Variants in RIPK2 observed in about 807,000 individuals in gnomAD.
RIPK2 encodes receptor-interacting serine/threonine-protein kinase 2.
Under a neutral mutation model 60.9 loss-of-function variants are expected in RIPK2, and 38 were observed. The observed-to-expected ratio is 0.62, with a 90% confidence interval of 0.48 to 0.82. The LOEUF is 0.82. Among genes scored for constraint, RIPK2 ranks in the 40% least tolerant of loss-of-function variants. RIPK2 has a pLI of 0.00. For synonymous variants in RIPK2, 225 were observed against 223.4 expected (o/e 1.01, Z -0.06); for missense variants, 518 against 647.0 (o/e 0.80, Z 2.16).
intron 6 of RIPK2, among the ~76,000 whole-genome samples, chr8:89,779,775 T>G (rs1056334239): frequency 1.3e-5 from 2 of 152,232 alleles, no homozygotes; most frequent in Admixed American, 1.3e-4. Flanking sequence ...GTATCTAAAT[T>G]TATCTGTTTC....
intron 7 of RIPK2, among the ~76,000 whole-genome samples, 162 bp from the exon 8 acceptor site, chr8:89,783,888 A>G (rs375637948): frequency 6.6e-6 from 1 of 152,122 alleles, no homozygotes; most frequent in Non-Finnish European, 1.5e-5. Context: ...TTCCCGTTCT[A>G]CACTGTCTTT....
chr8:89,759,236 A>G, intron 1 of RIPK2: 1 of 451,592 alleles, frequency 2.2e-6, no homozygotes, highest in Non-Finnish European at 4.5e-6. Flanking sequence ...TTCTGTTTTC[A>G]GAAGAACATT....
intron 1 of RIPK2, among the ~76,000 whole-genome samples, chr8:89,760,693 A>T (rs1404117448): frequency 6.6e-6 from 1 of 152,210 alleles, no homozygotes; most frequent in Admixed American, 6.5e-5. Context: ...TCTGAGCCTT[A>T]GTGCCCTCAT....
chr8:89,772,918 T>G, intron 6 of RIPK2, 90 bp downstream of exon 6: 1 of 800,052 alleles, frequency 1.2e-6, no homozygotes, highest in Non-Finnish European at 1.8e-6. Flanking sequence ...TTGTGCAAAT[T>G]AGATGACTAG....
chr8:89,774,410 G>A (rs1809363267), intron 6 of RIPK2, among the ~76,000 whole-genome samples: 1 of 152,194 alleles, frequency 6.6e-6, no homozygotes, highest in Non-Finnish European at 1.5e-5. Context: ...TGACAGTGAT[G>A]TGGCAGAACC....
At chr8:89,780,797 G>T (rs1319991757) in intron 7 of RIPK2, 3 of 151,850 alleles carry the variant, frequency 2.0e-5, no homozygotes, top group Non-Finnish European at 4.4e-5. Context: ...TTTGTGGTTT[G>T]TTTTTTCATT....
Position 89,772,847 on chromosome 8 carries a change from C to T in RIPK2, c.853+19C>T. On this transcript the variant is annotated intron_variant, in intron 6 of 10. Coordinates refer to ENST00000220751, the MANE Select transcript of RIPK2 (RefSeq NM_003821.6). ...TTCTTAAGTGAGTATATAGTTTTAACCTAGACTCTTTGAATTACAGAATTA... is the reference window on the plus strand; with the variant it reads ...TTCTTAAGTGAGTATATAGTTTTAATCTAGACTCTTTGAATTACAGAATTA... 1 of 1,519,214 alleles carries T rather than the reference C, an allele frequency of 6.6e-7. No homozygotes were observed. The highest frequency in any genetic ancestry group is 2.1e-5 in the Admixed American group (1 of 47,062). 94.1% of individuals were successfully genotyped at this position (1,519,214 alleles called of 1,614,324 possible).
At chr8:89,760,317 C>A (rs1053657820) in intron 1 of RIPK2, among the ~76,000 whole-genome samples, 2 of 152,132 alleles carry the variant, frequency 1.3e-5, no homozygotes, top group Non-Finnish European at 2.9e-5. Context: ...GATGAGTGGA[C>A]CTTCCCCAAC....
chr8:89,765,708 A>G (rs913645953), intron 3 of RIPK2, among the ~76,000 whole-genome samples: 3 of 151,808 alleles, frequency 2.0e-5, no homozygotes, highest in Non-Finnish European at 4.4e-5. Flanking sequence ...GAATTATGGT[A>G]CAAAATACAA....
intron 6 of RIPK2, among the ~76,000 whole-genome samples, chr8:89,777,682 T>C (rs1809421528): frequency 6.6e-6 from 1 of 152,180 alleles, no homozygotes; most frequent in Non-Finnish European, 1.5e-5. Flanking sequence ...ACTGGTTTTG[T>C]TGTTATTGTT....
intron 9 of RIPK2, among the ~76,000 whole-genome samples, chr8:89,787,016 A>G (rs11995065): frequency 0.081 from 12,275 of 151,916 alleles, 528 homozygotes; most frequent in Middle Eastern, 0.095. Context: ...AAATACAAAA[A>G]TTAGCCAGGC....
chr8:89,775,484 AAGAT>A (rs1809382272), intron 6 of RIPK2, among the ~76,000 whole-genome samples: 2 of 152,240 alleles, frequency 1.3e-5, no homozygotes, highest in Admixed American at 1.3e-4. Context: ...ATCCTGGAGA[AAGAT>A]AGATTACTTT....
At chr8:89,786,054 T>C (rs527457984) in intron 8 of RIPK2, among the ~76,000 whole-genome samples, 2 of 152,328 alleles carry the variant, frequency 1.3e-5, no homozygotes, top group South Asian at 4.1e-4. Flanking sequence ...ACTGAAAAAA[T>C]AATTATTTCT....
intron 6 of RIPK2, among the ~76,000 whole-genome samples, chr8:89,777,361 T>C (rs541853315): frequency 2.4e-4 from 37 of 152,320 alleles, no homozygotes; most frequent in African/African-American, 8.7e-4. Context: ...ATATATACCC[T>C]TCCTCATGGC....
In RIPK2 at chr8:89,780,341, T is replaced by C. The variant is rs560630165; in HGVS notation, c.939+181T>C. The C allele has an allele frequency of 2.5e-3, 867 of 353,298 alleles. 3 individuals carry two copies. Among genetic ancestry groups the C allele is most frequent in the Non-Finnish European group, 3.6e-3 (713 of 195,866 alleles). 21.9% of individuals were successfully genotyped at this position (353,298 alleles called of 1,614,324 possible). On this transcript the variant is annotated intron_variant, in intron 7 of 10. Transcript: ENST00000220751. ...TACTTTTCCTTTGTCACCAAAAGCT[T>C]TTCTATTTCATTCAAATGGCCACCT...
At chr8:89,762,443 A>G (rs1298644995) in intron 1 of RIPK2, among the ~76,000 whole-genome samples, 1 of 152,188 alleles carries the variant, frequency 6.6e-6, no homozygotes, top group Non-Finnish European at 1.5e-5. Flanking sequence ...TAATATTCTA[A>G]TAAAACATGC....
chr8:89,783,244 C>T lies in RIPK2; in HGVS notation c.940-806C>T, dbSNP rs566205403. On this transcript the variant is annotated intron_variant, in intron 7 of 10. Transcript: ENST00000220751. ...ATGATTGATAGGTTTGTATTTAAAT[C>T]ACTGAGTAGTGATGGAAACTAATCC... Among the ~76,000 whole-genome samples the T allele has an allele frequency of 2.6e-5, 4 of 152,262 alleles. No individual in the cohort carries two copies. The South Asian group carries it at 8.3e-4, about 32-fold the overall frequency.
chr8:89,780,141 T>C lies in RIPK2; in HGVS notation c.920T>C (p.Ile307Thr). 6.4e-7 allele frequency: 1 copy of C among 1,563,164 alleles called. No homozygotes were observed. The change falls in exon 7 of 11, where the codon ATT becomes ACT. Residue 307 changes from isoleucine (I) to threonine (T), a missense_variant. Transcript: ENST00000220751. ...GAGATAACTTTTCTTGAAGCTGTTA[T>C]TCAGCTAAAGAAAACAAAGGTAAGT... ...FEEITFLEAV[I>T]QLKKTKLQSV...
intron 2 of RIPK2, among the ~76,000 whole-genome samples, chr8:89,764,663 T>C (rs929307646): frequency 2.6e-5 from 4 of 152,146 alleles, no homozygotes; most frequent in African/African-American, 7.2e-5. Context: ...AAAAATAAAA[T>C]GTTATGTTTT....
Sources: allele counts gnomAD v4.1 joint callset (sites outside exome capture counted in the v4.1 genomes callset), GRCh38; gene constraint gnomAD v4.1.1; transcripts MANE v1.5; gene names NCBI Gene and HGNC (gene_info 2026-07-23, HGNC 2026-07-21).